Variants in AVEN observed in about 807,000 individuals in gnomAD.
AVEN encodes apoptosis and caspase activation inhibitor.
Under a neutral mutation model 38.1 loss-of-function variants are expected in AVEN, and 41 were observed. That is an observed-to-expected ratio of 1.08 (90% CI 0.84 to 1.40). AVEN has a LOEUF of 1.40. Among genes scored for constraint, AVEN ranks in the 40% most tolerant of loss-of-function variants. The pLI is 0.00. For missense variants in AVEN, 605 were observed against 438.8 expected (o/e 1.38, Z -3.38); for synonymous variants, 206 against 171.8 (o/e 1.20, Z -1.56).
At chr15:34,027,158 A>G (rs1478954392) in intron 1 of AVEN, among the ~76,000 whole-genome samples, 1 of 152,146 alleles carries the variant, frequency 6.6e-6, no homozygotes, top group Non-Finnish European at 1.5e-5. Context: ...TTTATTTAAA[A>G]CAGCTAAATC....
intron 2 of AVEN, among the ~76,000 whole-genome samples, chr15:33,972,729 G>T (rs1461432639): frequency 6.6e-6 from 1 of 152,110 alleles, no homozygotes; most frequent in Non-Finnish European, 1.5e-5. Context: ...ATCTTTGTTT[G>T]CAACAGTAGC....
chr15:34,013,693 A>G (rs1228665914), intron 1 of AVEN, among the ~76,000 whole-genome samples: 1 of 152,220 alleles, frequency 6.6e-6, no homozygotes, highest in Non-Finnish European at 1.5e-5. Context: ...GCTACTATAA[A>G]ACATTCACAA....
At chr15:34,042,913 A>C (rs1355606286), upstream of AVEN, among the ~76,000 whole-genome samples, 2 of 152,076 alleles carry the variant, frequency 1.3e-5, no homozygotes, top group Non-Finnish European at 2.9e-5. Flanking sequence ...GTAGCATCTG[A>C]GCCTTCAAAC....
intron 2 of AVEN, among the ~76,000 whole-genome samples, chr15:33,984,473 G>A (rs1896334107): frequency 6.6e-6 from 1 of 151,780 alleles, no homozygotes; most frequent in South Asian, 2.1e-4. Context: ...CATGATCTCG[G>A]CTCACTGCAA....
intron 1 of AVEN, among the ~76,000 whole-genome samples, chr15:34,006,591 A>C (rs957742419): frequency 2.0e-5 from 3 of 152,254 alleles, no homozygotes; most frequent in Non-Finnish European, 4.4e-5. Flanking sequence ...CAGTGAAACA[A>C]GCACTGAAAT....
At chr15:34,031,168 A>AT (rs34414446) in intron 1 of AVEN, among the ~76,000 whole-genome samples, 1,292 of 67,532 alleles carry the variant, frequency 0.019, 106 homozygotes, top group African/African-American at 0.071. Context: ...GCTTAGGTTA[A>AT]TTTTTTTTTT....
chr15:33,965,349 G>C (rs1432841733), intron 2 of AVEN, among the ~76,000 whole-genome samples: 1 of 151,994 alleles, frequency 6.6e-6, no homozygotes, highest in African/African-American at 2.4e-5. Context: ...ACACTCAATT[G>C]AGATTATACA....
intron 11 of AVEN, chr15:33,859,174 G>A (rs2080065701): frequency 6.0e-6 from 1 of 167,524 alleles, no homozygotes; most frequent in Admixed American, 5.9e-5. Flanking sequence ...AGGTGTAAGG[G>A]GAATGTGGAT....
chr15:34,047,357 G>A (rs966746043), intron 5 of AVEN, among the ~76,000 whole-genome samples: 18 of 152,118 alleles, frequency 1.2e-4, no homozygotes, highest in Admixed American at 1.1e-3. Context: ...GATTACAGGC[G>A]TGAGCCACCG....
intron 1 of AVEN, among the ~76,000 whole-genome samples, chr15:34,073,356 G>C (rs1456374014): frequency 6.6e-6 from 1 of 151,526 alleles, no homozygotes; most frequent in Non-Finnish European, 1.5e-5. Flanking sequence ...CGCCCGGCCT[G>C]TACAGACACT....
At chr15:33,990,922 T>C (rs1339857812) in intron 2 of AVEN, 1 of 152,184 alleles carries the variant, frequency 6.6e-6, no homozygotes, top group Non-Finnish European at 1.5e-5. Context: ...GCAGAACTAA[T>C]GAAAATACAG....
At chr15:34,029,517 CAAAAAAAAAAAA>C (rs66519745) in intron 1 of AVEN, among the ~76,000 whole-genome samples, 28 of 118,694 alleles carry the variant, frequency 2.4e-4, no homozygotes, top group Non-Finnish European at 3.8e-4. Flanking sequence ...CCTATTTCTA[CAAAAAAAAAAAA>C]AAAAAAAAAA....
At chr15:34,062,423 T>TG (rs1251058825) in intron 5 of AVEN, among the ~76,000 whole-genome samples, 2 of 151,672 alleles carry the variant, frequency 1.3e-5, no homozygotes, top group African/African-American at 2.4e-5. Context: ...GGCGTGGTGG[T>TG]GGGAGCCTGT....
chr15:34,059,181 G>A (rs1345111440), intron 5 of AVEN, among the ~76,000 whole-genome samples: 1 of 152,156 alleles, frequency 6.6e-6, no homozygotes, highest in Non-Finnish European at 1.5e-5. Context: ...ACAGGCGTGA[G>A]CCACCACACC....
intron 2 of AVEN, among the ~76,000 whole-genome samples, chr15:33,981,581 T>G (rs1286677090): frequency 1.3e-5 from 2 of 152,206 alleles, no homozygotes; most frequent in Admixed American, 1.3e-4. Flanking sequence ...TACTGCTGCA[T>G]AGCCAACTGT....
intron 5 of AVEN, among the ~76,000 whole-genome samples, chr15:34,050,885 C>A (rs1417401939): frequency 6.6e-6 from 1 of 152,148 alleles, no homozygotes; most frequent in Non-Finnish European, 1.5e-5. Context: ...GACTTAGACT[C>A]CCAAACAATA....
chr15:33,905,028 G>A (rs1325916303), intron 2 of AVEN, among the ~76,000 whole-genome samples: 1 of 151,530 alleles, frequency 6.6e-6, no homozygotes, highest in Non-Finnish European at 1.5e-5. Flanking sequence ...TACTCAGGAG[G>A]CTGAGGCAGG....
intron 2 of AVEN, chr15:34,067,265 T>C (rs1020455919): frequency 6.6e-6 from 1 of 152,262 alleles, no homozygotes; most frequent in Non-Finnish European, 1.5e-5. Flanking sequence ...TTTGCTTCGC[T>C]CCTTTGGTGA....
At chr15:33,857,226 A>AAGTC (rs2079774773), downstream of AVEN, among the ~76,000 whole-genome samples, 1 of 146,400 alleles carries the variant, frequency 6.8e-6, no homozygotes. Flanking sequence ...GGCGGTAAGT[A>AAGTC]AGTCCAGTAT....
Sources: gnomAD v4.1 joint callset for allele counts (sites outside exome capture counted in the v4.1 genomes callset) on GRCh38, gnomAD v4.1.1 for gene constraint, MANE v1.5 for transcripts, NCBI Gene and HGNC (gene_info 2026-07-23, HGNC 2026-07-21) for gene names.